Variants in SAXO1 observed in about 807,000 individuals in gnomAD.
SAXO1 encodes the protein stabilizer of axonemal microtubules 1, also known as 4930500O09Rik.
A neutral mutation model predicts 17.5 loss-of-function variants in SAXO1; 21 were observed. The ratio of observed to expected loss-of-function variants is 1.20; its 90% CI spans 0.85 to 1.72. The LOEUF is 1.72. Ranked by LOEUF, SAXO1 falls within the 40% of genes most tolerant of loss-of-function variation. The pLI, the probability that SAXO1 is intolerant of heterozygous loss-of-function variation, is 0.00. For synonymous variants in SAXO1, 274 were observed against 216.5 expected (o/e 1.27, Z -2.33); for missense variants, 843 against 596.0 (o/e 1.41, Z -4.32).
intron 1 of SAXO1, among the ~76,000 whole-genome samples, chr9:18,983,761 C>G (rs568939174): frequency 6.6e-6 from 1 of 152,242 alleles, no homozygotes; most frequent in South Asian, 2.1e-4. Context: ...CTTCCAAACT[C>G]CTGTTAATGT....
At chr9:18,991,379 T>A (rs1213332339) in intron 1 of SAXO1, among the ~76,000 whole-genome samples, 1 of 152,184 alleles carries the variant, frequency 6.6e-6, no homozygotes, top group Non-Finnish European at 1.5e-5. Flanking sequence ...TGGAATACTA[T>A]GCAGCCATAA....
chr9:18,967,960 T>C (rs1225381740), intron 1 of SAXO1, among the ~76,000 whole-genome samples: 1 of 152,148 alleles, frequency 6.6e-6, no homozygotes, highest in East Asian at 1.9e-4. Flanking sequence ...GCACTGTCCT[T>C]CACGACACAG....
chr9:18,968,164 G>A (rs778536377), intron 1 of SAXO1, among the ~76,000 whole-genome samples: 2 of 152,228 alleles, frequency 1.3e-5, no homozygotes, highest in African/African-American at 2.4e-5. Flanking sequence ...GTCTCACTGG[G>A]AGCTGCAGAC....
chr9:18,928,411 T>C lies in SAXO1; in HGVS notation c.1066A>G (p.Lys356Glu), dbSNP rs1270591542. ...GGCAAGTCCAGCTGGGGAACGGGCT[T>C]GACTGGCTCTGTGCGCATGCTGGAC... ...QWSSMRTEPVKPVPQLDLPTE... is the reference protein window; with the variant it reads ...QWSSMRTEPVEPVPQLDLPTE... The change falls in exon 4 of 4, where the codon AAG becomes GAG. Residue 356 changes from lysine to glutamate, a missense_variant. By Grantham distance (56) the Lys-to-Glu change is moderately conservative. Transcript: ENST00000380534. The C allele has an allele frequency of 1.2e-6, 2 of 1,609,444 alleles. No homozygotes were observed. Among genetic ancestry groups the C allele is most frequent in the Admixed American group, 1.7e-5 (1 of 59,616 alleles).
intron 1 of SAXO1, among the ~76,000 whole-genome samples, chr9:19,005,554 AC>A (rs1834449707): frequency 2.6e-5 from 4 of 152,216 alleles, no homozygotes; most frequent in Admixed American, 2.6e-4. Flanking sequence ...AACAAATGGC[AC>A]AGGAAAAGTT....
chr9:18,936,168 T>TCA (rs1434921169), intron 3 of SAXO1, among the ~76,000 whole-genome samples: 1 of 152,160 alleles, frequency 6.6e-6, no homozygotes, highest in Non-Finnish European at 1.5e-5. Flanking sequence ...TACCACCCCC[T>TCA]CATCCACCAG....
chr9:19,024,265 C>G (rs1835378481), intron 1 of SAXO1, among the ~76,000 whole-genome samples: 1 of 151,810 alleles, frequency 6.6e-6, no homozygotes, highest in Non-Finnish European at 1.5e-5. Flanking sequence ...CGCACTAAAC[C>G]CCAACATACC....
chr9:19,010,698 A>G (rs1216066825), intron 1 of SAXO1, among the ~76,000 whole-genome samples: 1 of 152,230 alleles, frequency 6.6e-6, no homozygotes, highest in Non-Finnish European at 1.5e-5. Context: ...CGGGTTAAAA[A>G]AGACAATTAC....
At chr9:18,989,872 C>A (rs1158380285) in intron 1 of SAXO1, among the ~76,000 whole-genome samples, 3 of 152,158 alleles carry the variant, frequency 2.0e-5, no homozygotes, top group African/African-American at 7.2e-5. Flanking sequence ...ACATTTCAGC[C>A]ATTGCTCTTA....
intron 3 of SAXO1, among the ~76,000 whole-genome samples, chr9:18,934,882 G>A (rs891004356): frequency 2.6e-5 from 4 of 152,186 alleles, no homozygotes; most frequent in South Asian, 4.2e-4. Context: ...TATGGCTACC[G>A]ATATTTTTGT....
chr9:19,000,831 GA>G (rs1834235434), intron 1 of SAXO1, among the ~76,000 whole-genome samples: 1 of 152,122 alleles, frequency 6.6e-6, no homozygotes, highest in African/African-American at 2.4e-5. Context: ...AAGATCAAAA[GA>G]GACAAAGAAG....
At chr9:19,033,936 C>T (rs570807869), upstream of SAXO1, among the ~76,000 whole-genome samples, 2 of 152,162 alleles carry the variant, frequency 1.3e-5, no homozygotes, top group Non-Finnish European at 2.9e-5. Flanking sequence ...CTTTACACCC[C>T]CTGGAATAGT....
rs1830864738 is a variant in SAXO1, at chr9:18,928,361, G to A, written c.1116C>T (p.Thr372=). 1.9e-6 allele frequency: 3 copies of A among 1,613,306 alleles called. No homozygotes were observed. The highest frequency in any genetic ancestry group is 2.5e-6 in the Non-Finnish European group (3 of 1,179,702). The part of the protein sequence containing the change: ...DLPTEPLDCL[T]TTRAHYVPHL... ...GGGGCACATAGTGGGCCCGAGTGGT[G>A]GTCAGGCAGTCCAGGGGCTCGGTGG... Residue 372 remains threonine (T), a synonymous_variant, in exon 4 of 4, where the codon ACC becomes ACT. Transcript: ENST00000380534.
intron 1 of SAXO1, among the ~76,000 whole-genome samples, chr9:18,960,249 G>A (rs1045054045): frequency 6.6e-6 from 1 of 152,164 alleles, no homozygotes; most frequent in Admixed American, 6.5e-5. Flanking sequence ...TTTGCCAATG[G>A]CCTCATCACC....
At chr9:19,017,042 C>T (rs1173531799) in intron 1 of SAXO1, among the ~76,000 whole-genome samples, 1 of 152,062 alleles carries the variant, frequency 6.6e-6, no homozygotes, top group Non-Finnish European at 1.5e-5. Context: ...GGCATGGTGG[C>T]TCATGCCTGT....
intron 2 of SAXO1, among the ~76,000 whole-genome samples, chr9:18,948,333 T>C (rs1430998842): frequency 3.3e-5 from 5 of 152,340 alleles, no homozygotes; most frequent in African/African-American, 1.2e-4. Context: ...ACTTCTCTTT[T>C]TAGGGTAGGA....
intron 1 of SAXO1, among the ~76,000 whole-genome samples, chr9:19,030,835 A>G (rs1045367860): frequency 6.6e-6 from 1 of 152,242 alleles, no homozygotes; most frequent in Non-Finnish European, 1.5e-5. Flanking sequence ...TACCAGAATA[A>G]TGTTTGAAGG....
Position 18,965,891 on chromosome 9 carries a change from C to T in SAXO1, c.39-14954G>A, listed in dbSNP as rs528000540. 3.9e-5 allele frequency among the ~76,000 whole-genome samples: 6 copies of T among 152,258 alleles called. No individual in the cohort carries two copies. In the South Asian group the frequency reaches 1.0e-3, roughly 26 times the overall value. ...TTTGCGTGGCTGGTACCGTCTTTTC[C>T]TTTCCATATTTAGTGCTTCCTTCAG... On this transcript the variant is annotated intron_variant, in intron 1 of 3. Transcript: ENST00000380534.
intron 3 of SAXO1, among the ~76,000 whole-genome samples, chr9:18,930,387 T>A (rs1830989362): frequency 6.6e-6 from 1 of 152,188 alleles, no homozygotes; most frequent in South Asian, 2.1e-4. Flanking sequence ...TGTAAGCCTT[T>A]GAAACTGGCT....
Sources: gnomAD v4.1 joint callset for allele counts (sites outside exome capture counted in the v4.1 genomes callset) on GRCh38, gnomAD v4.1.1 for gene constraint, MANE v1.5 for transcripts, NCBI Gene and HGNC (gene_info 2026-07-23, HGNC 2026-07-21) for gene names.